The following TTC7B variants were observed in gnomAD, a reference collection of about 807,000 sequenced individuals.
TTC7B encodes tetratricopeptide repeat protein 7B.
TTC7B carries 28 observed loss-of-function variants against 106.8 expected under a neutral mutation model. That is an observed-to-expected ratio of 0.26 (90% CI 0.19 to 0.36). TTC7B has a LOEUF of 0.36. Ranked by LOEUF, TTC7B falls within the 10% of genes least tolerant of loss-of-function variation. The pLI, the probability that TTC7B is intolerant of heterozygous loss-of-function variation, is 1.00. For synonymous variants in TTC7B, 405 were observed against 430.6 expected (o/e 0.94, Z 0.74); for missense variants, 862 against 1,076.4 (o/e 0.80, Z 2.79).
intron 1 of TTC7B, among the ~76,000 whole-genome samples, chr14:90,796,292 T>C (rs72695561): frequency 0.041 from 6,297 of 152,234 alleles, 185 homozygotes; most frequent in Non-Finnish European, 0.058. Context: ...TATTTGGGGG[T>C]TAAGTGAGGC....
intron 3 of TTC7B, among the ~76,000 whole-genome samples, chr14:90,772,303 T>C (rs536534544): frequency 6.6e-6 from 1 of 152,250 alleles, no homozygotes; most frequent in African/African-American, 2.4e-5. Context: ...CACAGCCTCG[T>C]GTATAACAGT....
intron 1 of TTC7B, among the ~76,000 whole-genome samples, chr14:90,789,624 C>T (rs1020142978): frequency 1.6e-5 from 2 of 128,092 alleles, no homozygotes; most frequent in East Asian, 4.2e-4. Flanking sequence ...CAGCCGGGCG[C>T]GTGGCTCACA....
chr14:90,682,923 T>A (rs1375017046), intron 7 of TTC7B, among the ~76,000 whole-genome samples: 1 of 152,238 alleles, frequency 6.6e-6, no homozygotes, highest in South Asian at 2.1e-4. Context: ...ATTTACCAAC[T>A]CATTTTCTGA....
Position 90,526,643 on chromosome 14 carries a change from G to A in TTC7B, c.*14725C>T, listed in dbSNP as rs962629551. On this transcript the variant is annotated 3_prime_UTR_variant, in exon 20 of 20. Transcript: ENST00000328459. ...GGGAGGGACCCGGTGCAAGGTAATT[G>A]AATCATGGGGGTGGCTACCCTCATG... 3.9e-5 allele frequency: 6 copies of A among 152,166 alleles called. No homozygotes were observed. Among genetic ancestry groups the A allele is most frequent in the African/African-American group, 1.4e-4 (6 of 41,436 alleles). The allele number at this position is 152,166 out of a possible 1,614,324, so 9.4% of individuals were successfully genotyped here.
rs1891317870 is a variant in TTC7B, at chr14:90,577,803, C to G, written c.2310+303G>C. ...TGACAGTGACAATGCCCCACGGCCA[C>G]AAGAATGTCTTTATCAAACCCAGAG... is the stretch of plus-strand genomic sequence containing the variant. On this transcript the variant is annotated intron_variant, in intron 19 of 19. Transcript: ENST00000328459. The surrounding 1 kb of genome is among the most constrained non-coding windows in gnomAD (Gnocchi z 5.0). 6.6e-6 allele frequency among the ~76,000 whole-genome samples: 1 copy of G among 152,256 alleles called. No individual in the cohort carries two copies. The highest frequency in any genetic ancestry group is 1.5e-5 in the Non-Finnish European group (1 of 68,038).
intron 16 of TTC7B, among the ~76,000 whole-genome samples, chr14:90,616,397 A>T (rs1893074220): frequency 6.6e-6 from 1 of 152,246 alleles, no homozygotes; most frequent in Admixed American, 6.5e-5. Context: ...GAACATATCC[A>T]CAAAAGGGAA....
chr14:90,553,456 T>A (rs1324799721), intron 19 of TTC7B, among the ~76,000 whole-genome samples: 1 of 152,208 alleles, frequency 6.6e-6, no homozygotes, highest in African/African-American at 2.4e-5. Context: ...GCACAGCCCC[T>A]GCTGCTGTCC....
At chr14:90,644,267 A>G (rs1025888139) in intron 14 of TTC7B, 59 bp from the exon 15 acceptor site, 4 of 1,316,430 alleles carry the variant, frequency 3.0e-6, no homozygotes, top group Non-Finnish European at 4.1e-6. Flanking sequence ...GCACACACAC[A>G]CACACACACA....
Position 90,642,600 on chromosome 14 carries a change from T to G in TTC7B, c.1751+1448A>C, listed in dbSNP as rs1034035368. ...AGGAATGTTTACTATTTCTGGCCATTGTGTACTGGTTACTAAGCTACTGCC... is the reference window on the plus strand; with the variant it reads ...AGGAATGTTTACTATTTCTGGCCATGGTGTACTGGTTACTAAGCTACTGCC... On this transcript the variant is annotated intron_variant, in intron 15 of 19. Coordinates refer to ENST00000328459, the MANE Select transcript of TTC7B (RefSeq NM_001010854.2). 9 of 152,228 alleles carry G rather than the reference T, an allele frequency of 5.9e-5. 1 individual carries two copies. The highest frequency in any genetic ancestry group is 1.5e-5 in the Non-Finnish European group (1 of 68,046). 9.4% of individuals were successfully genotyped at this position (152,228 alleles called of 1,614,324 possible). A position where few individuals can be genotyped will look rare whatever the true frequency, so the allele number is the denominator to read the frequency against.
rs1454304715 is a variant in TTC7B, at chr14:90,534,800, A to T, written c.*6568T>A. 1 of 152,302 alleles carries T rather than the reference A, an allele frequency of 6.6e-6. No homozygotes were observed. 9.4% of individuals were successfully genotyped at this position (152,302 alleles called of 1,614,324 possible). On this transcript the variant is annotated 3_prime_UTR_variant, in exon 20 of 20. Transcript: ENST00000328459. ...GGACCTGGGCTGGGGCTGGGGCAGC[A>T]GGTGACAGGCTGGTGACAGGCCCAG...
At chr14:90,542,160 C>T (rs1481898745) in intron 19 of TTC7B, among the ~76,000 whole-genome samples, 2 of 152,122 alleles carry the variant, frequency 1.3e-5, no homozygotes, top group Non-Finnish European at 2.9e-5. Flanking sequence ...AGGATGGTCT[C>T]GATCTCCTGA....
chr14:90,743,775 A>G (rs911582216), intron 4 of TTC7B, among the ~76,000 whole-genome samples: 19 of 80,860 alleles, frequency 2.3e-4, no homozygotes, highest in African/African-American at 1.1e-3. Context: ...TGTTCTTTTT[A>G]TGGACGGAAA....
chr14:90,695,679 G>A, intron 5 of TTC7B, 101 bp from the exon 6 acceptor site: 1 of 642,376 alleles, frequency 1.6e-6, no homozygotes, highest in Non-Finnish European at 2.4e-6. Context: ...AAAGCTGTTG[G>A]CTAGATTTTA....
intron 1 of TTC7B, among the ~76,000 whole-genome samples, chr14:90,789,659 G>T (rs1020273871): frequency 9.2e-5 from 14 of 151,970 alleles, no homozygotes; most frequent in African/African-American, 3.4e-4. Flanking sequence ...ACTTTTAGGA[G>T]GCCAGGGCAG....
rs139722910 is a variant in TTC7B at position 90,647,205 on chromosome 14, C to T, written c.1518-182G>A. The T allele has an allele frequency of 3.7e-3, 2,213 of 595,268 alleles. 9 individuals carry two copies. The highest frequency in any genetic ancestry group is 4.4e-3 in the Non-Finnish European group (1,439 of 329,928). 36.9% of individuals were successfully genotyped at this position (595,268 alleles called of 1,614,324 possible). A position where few individuals can be genotyped will look rare whatever the true frequency, so the allele number is the denominator to read the frequency against. On this transcript the variant is annotated intron_variant, in intron 13 of 19. Transcript: ENST00000328459. The stretch of plus-strand genomic sequence containing the variant: ...ACACATGTAAACCATTTCCCTCTTA[C>T]CACTGTATAAAGGTACAGAATAGGA...
intron 5 of TTC7B, among the ~76,000 whole-genome samples, chr14:90,720,982 T>C (rs1181003767): frequency 2.0e-5 from 3 of 152,048 alleles, no homozygotes; most frequent in Admixed American, 2.0e-4. Flanking sequence ...CCTGCTCCCA[T>C]TAAAACTGAA....
intron 5 of TTC7B, among the ~76,000 whole-genome samples, chr14:90,725,675 C>A (rs56074701): frequency 0.027 from 4,057 of 152,198 alleles, 169 homozygotes; most frequent in African/African-American, 0.091. Flanking sequence ...TGAGTCAAGG[C>A]CTCCCATGCA....
chr14:90,648,712 A>G (rs1885582157), intron 13 of TTC7B: 1 of 152,224 alleles, frequency 6.6e-6, no homozygotes, highest in South Asian at 2.1e-4. Flanking sequence ...TTTTACAAAT[A>G]TTGGCTTTCC....
At chr14:90,770,932 C>T (rs1001648690) in intron 3 of TTC7B, among the ~76,000 whole-genome samples, 5 of 152,124 alleles carry the variant, frequency 3.3e-5, no homozygotes, top group South Asian at 2.1e-4. Context: ...TTAAGTGAAA[C>T]GTAAGCCAAT....
Sources: gnomAD v4.1 joint callset for allele counts (sites outside exome capture counted in the v4.1 genomes callset) on GRCh38, gnomAD v4.1.1 for gene constraint, Gnocchi (gnomAD v3.1) non-coding constraint, MANE v1.5 for transcripts, NCBI Gene and HGNC (gene_info 2026-07-23, HGNC 2026-07-21) for gene names.